The following KCNQ4 variants were observed in gnomAD, a reference collection of about 807,000 sequenced individuals.
KCNQ4 encodes potassium voltage-gated channel subfamily Q member 4, also known as potassium voltage-gated channel subfamily KQT member 4.
KCNQ4 carries 31 observed loss-of-function variants against 72.6 expected under a neutral mutation model. The observed-to-expected ratio is 0.43, with a 90% CI of 0.32 to 0.58. The LOEUF is 0.58. KCNQ4 is among the 20% of genes least tolerant of loss of function. The pLI, the probability that KCNQ4 is intolerant of heterozygous loss-of-function variation, is 0.08. For missense variants in KCNQ4, 869 were observed against 962.6 expected (o/e 0.90, Z 1.29); for synonymous variants, 405 against 403.7 (o/e 1.00, Z -0.04).
In KCNQ4 at chr1:40,826,424, C is replaced by G. The variant is rs145927487; in HGVS notation, c.1292+2166C>G. On this transcript the variant is annotated intron_variant, in intron 9 of 13. Transcript: ENST00000347132. Reference sequence around the variant, plus strand: ...GATCAGAATCTCTGGAGAAGAGACACAGCCTTCTGCATATGTAACATGGTC... The same window carrying G: ...GATCAGAATCTCTGGAGAAGAGACAGAGCCTTCTGCATATGTAACATGGTC... 8.7e-4 allele frequency among the ~76,000 whole-genome samples: 132 copies of G among 152,344 alleles called. 1 individual carries two copies. Among genetic ancestry groups the G allele is most frequent in the African/African-American group, 3.1e-3 (128 of 41,578 alleles).
intron 1 of KCNQ4, among the ~76,000 whole-genome samples, chr1:40,802,325 T>C (rs1051767604): frequency 2.6e-5 from 4 of 151,934 alleles, no homozygotes; most frequent in Admixed American, 1.3e-4. Flanking sequence ...CTTCACACTT[T>C]CCGCTTGGCC....
chr1:40,828,362 C>A (rs190480893), intron 9 of KCNQ4, among the ~76,000 whole-genome samples: 2 of 152,244 alleles, frequency 1.3e-5, no homozygotes, highest in Admixed American at 6.5e-5. Context: ...TTGTGGATTG[C>A]GACTATCACA....
intron 13 of KCNQ4, 96 bp downstream of exon 13, chr1:40,837,890 A>G (rs2148334622): frequency 1.3e-6 from 2 of 1,505,942 alleles, no homozygotes; most frequent in South Asian, 2.4e-5. Flanking sequence ...CCACAGCCCA[A>G]GGGTCCCCGA....
chr1:40,818,721 C>G, intron 4 of KCNQ4, 41 bp downstream of exon 4: 2 of 1,555,918 alleles, frequency 1.3e-6, no homozygotes, highest in Middle Eastern at 2.1e-4. Context: ...GAGGGCGTGT[C>G]TGGGGCACGA....
chr1:40,808,056 A>C (rs1368778167), intron 1 of KCNQ4, among the ~76,000 whole-genome samples: 1 of 149,650 alleles, frequency 6.7e-6, no homozygotes, highest in African/African-American at 2.6e-5. Flanking sequence ...GCAGTGAGCT[A>C]TGATTGCACC....
chr1:40,833,228 G>A, intron 11 of KCNQ4, 115 bp downstream of exon 11: 1 of 711,766 alleles, frequency 1.4e-6, no homozygotes. Context: ...GGCCAACATG[G>A]TGAAACCCCG....
In KCNQ4 at chr1:40,838,720, G is replaced by C; in HGVS notation, c.*197G>C. ...CGCCCCTTCCCCACCTCAGGAGCGT[G>C]AGATGCCAGGTCGCACAGAGGGCAG... On this transcript the variant is annotated 3_prime_UTR_variant, in exon 14 of 14. Transcript: ENST00000347132. 1.6e-6 allele frequency: 1 copy of C among 631,524 alleles called. No individual in the cohort carries two copies. The highest frequency in any genetic ancestry group is 1.8e-5 in the South Asian group (1 of 54,906). The allele number at this position is 631,524 out of a possible 1,614,324, so 39.1% of individuals were successfully genotyped here. A position where few individuals can be genotyped will look rare whatever the true frequency, so the allele number is the denominator to read the frequency against.
chr1:40,822,776 G>T (rs985767522), intron 8 of KCNQ4, among the ~76,000 whole-genome samples: 10 of 152,234 alleles, frequency 6.6e-5, no homozygotes, highest in South Asian at 4.1e-4. Flanking sequence ...GCAGCTGGTT[G>T]GAGAAAGTGT....
chr1:40,817,277 C>G lies in KCNQ4; in HGVS notation c.327C>G (p.Val109=). The G allele has an allele frequency of 1.2e-6, 2 of 1,613,736 alleles. No homozygotes were observed. The highest frequency in any genetic ancestry group is 8.5e-7 in the Non-Finnish European group (1 of 1,179,830). ...FVYHVFIFLL[V]FSCLVLSVLS... ...GTTGTAATTGCAGATTTTTGCTGGT[C>G]TTCAGCTGCCTGGTGCTGTCTGTGC... The change falls in exon 2 of 14, where the codon GTC becomes GTG. Residue 109 remains valine (V), a synonymous_variant. Transcript: ENST00000347132. This position sits in a 1 kb window ranked among gnomAD's most constrained non-coding sequence, Gnocchi z 5.5.
chr1:40,831,108 C>T lies in KCNQ4; in HGVS notation c.1317C>T (p.Arg439=), dbSNP rs1442275885. The change falls in exon 10 of 14, where the codon CGC becomes CGT. Residue 439 remains arginine (R), a synonymous_variant. Coordinates refer to ENST00000347132, the MANE Select transcript of KCNQ4 (RefSeq NM_004700.4). ...GESSRMGIKD[R]IRMGSSQRRT... The stretch of plus-strand genomic sequence containing the variant: ...GCAGCCGGATGGGCATCAAAGACCG[C>T]ATCCGCATGGGCAGCTCCCAGCGGC... The T allele has an allele frequency of 6.2e-7, 1 of 1,603,780 alleles. No individual in the cohort carries two copies. The highest frequency in any genetic ancestry group is 8.5e-7 in the Non-Finnish European group (1 of 1,175,224).
At chr1:40,837,091 C>CTTTTCTT (rs1553168712) in intron 12 of KCNQ4, among the ~76,000 whole-genome samples, 64 of 93,072 alleles carry the variant, frequency 6.9e-4, no homozygotes, top group Admixed American at 1.2e-3. Flanking sequence ...CTTTTCTTTT[C>CTTTTCTT]TTTTTTTTTT....
chr1:40,819,515 C>T, intron 5 of KCNQ4, 43 bp downstream of exon 5: 1 of 1,610,030 alleles, frequency 6.2e-7, no homozygotes, highest in Non-Finnish European at 8.5e-7. Context: ...CCCTGGGATC[C>T]TCCCTGGGAA....
chr1:40,836,658 T>C (rs1648813118), intron 12 of KCNQ4, among the ~76,000 whole-genome samples: 1 of 152,096 alleles, frequency 6.6e-6, no homozygotes, highest in Admixed American at 6.6e-5. Flanking sequence ...AAGGAGACTG[T>C]AAAGGAGAGG....
intron 9 of KCNQ4, 69 bp from the exon 10 acceptor site, chr1:40,831,015 T>G (rs1358910655): frequency 5.2e-6 from 7 of 1,347,422 alleles, no homozygotes; most frequent in Non-Finnish European, 7.3e-6. Flanking sequence ...TAAGTCAGCT[T>G]TGTCCCCACT....
At chr1:40,831,608 C>T (rs1648649227) in intron 10 of KCNQ4, among the ~76,000 whole-genome samples, 2 of 152,138 alleles carry the variant, frequency 1.3e-5, no homozygotes, top group South Asian at 4.1e-4. Context: ...AGGCGAGTGA[C>T]CTAATTTCTC....
chr1:40,831,330 A>T (rs1381890622), intron 10 of KCNQ4, 26 bp downstream of exon 10: 1 of 1,555,152 alleles, frequency 6.4e-7, no homozygotes, highest in South Asian at 1.2e-5. Context: ...GCTGAGTCCG[A>T]TCGAGGGCCG....
Position 40,783,806 on chromosome 1 carries a change from C to A in KCNQ4, c.-288C>A, listed in dbSNP as rs1311263399. ...GAGGGTGACATGTGAGCGGCGCGCG[C>A]CGGTGGCAGGTGGAAAGGCGAGCGG... On this transcript the variant is annotated 5_prime_UTR_variant, in exon 1 of 14. Coordinates refer to ENST00000347132, the MANE Select transcript of KCNQ4 (RefSeq NM_004700.4). The surrounding 1 kb of genome is among the most constrained non-coding windows in gnomAD (Gnocchi z 4.4). 6.6e-6 allele frequency: 1 copy of A among 151,930 alleles called. No individual in the cohort carries two copies. Among genetic ancestry groups the A allele is most frequent in the African/African-American group, 2.4e-5 (1 of 41,368 alleles). 9.4% of individuals were successfully genotyped at this position (151,930 alleles called of 1,614,324 possible).
At chr1:40,800,216 G>A (rs1474092035) in intron 1 of KCNQ4, among the ~76,000 whole-genome samples, 1 of 152,100 alleles carries the variant, frequency 6.6e-6, no homozygotes, top group African/African-American at 2.4e-5. Context: ...ACCCCCAGGA[G>A]TGTACCCAAG....
At chr1:40,819,286 C>T (rs1004848572) in intron 4 of KCNQ4, 61 bp from the exon 5 acceptor site, 1 of 1,599,566 alleles carries the variant, frequency 6.3e-7, no homozygotes, top group Non-Finnish European at 8.6e-7. Flanking sequence ...CGTGTGGAAG[C>T]CCCCCACATC....
Sources: allele counts gnomAD v4.1 joint callset (sites outside exome capture counted in the v4.1 genomes callset), GRCh38; gene constraint gnomAD v4.1.1; non-coding constraint Gnocchi (gnomAD v3.1); transcripts MANE v1.5; gene names NCBI Gene and HGNC (gene_info 2026-07-23, HGNC 2026-07-21).